The following PCGF3 variants were observed in gnomAD, a reference collection of about 807,000 sequenced individuals.
The protein encoded by PCGF3 is polycomb group RING finger protein 3.
Under a neutral mutation model 33.1 loss-of-function variants are expected in PCGF3, and 7 were observed. The observed-to-expected ratio is 0.21, with a 90% CI of 0.12 to 0.40. PCGF3 has a LOEUF of 0.40. Ranked by LOEUF, PCGF3 falls within the 10% of genes least tolerant of loss-of-function variation. The probability of loss-of-function intolerance (pLI) is 1.00; values close to 1 mark genes in which losing one functional copy is unlikely to be tolerated. For synonymous variants in PCGF3, 153 were observed against 121.3 expected, an observed-to-expected ratio of 1.26 and a Z score of -1.72; for missense variants, 211 against 313.3, an observed-to-expected ratio of 0.67 and a Z score of 2.46.
intron 1 of PCGF3, among the ~76,000 whole-genome samples, chr4:719,388 C>A (rs898168062): frequency 7.9e-5 from 12 of 152,232 alleles, no homozygotes; most frequent in African/African-American, 2.4e-4. Context: ...TGTGTGTCCG[C>A]ACGAGGTTGA....
intron 1 of PCGF3, among the ~76,000 whole-genome samples, chr4:730,344 A>C (rs1330829578): frequency 1.3e-5 from 2 of 152,082 alleles, no homozygotes; most frequent in Non-Finnish European, 2.9e-5. Flanking sequence ...TCTTGGGCCC[A>C]AAACAGCATG....
At chr4:769,027 G>GTTATTATTGTGA (rs1483301723) in exon 11 of PCGF3, 4 of 152,648 alleles carry the variant, frequency 2.6e-5, no homozygotes, top group Admixed American at 2.6e-4. Context: ...GTTTTTCATT[G>GTTATTATTGTGA]TTATTATTGT....
chr4:761,369 C>T, exon 9 of PCGF3: 1 of 1,612,316 alleles, frequency 6.2e-7, no homozygotes, highest in Non-Finnish European at 8.5e-7. Flanking sequence ...CGTCTTGCAT[C>T]TGAAGAAGTT....
chr4:739,894 G>T (rs1386153699), intron 6 of PCGF3, among the ~76,000 whole-genome samples: 1 of 152,218 alleles, frequency 6.6e-6, no homozygotes, highest in African/African-American at 2.4e-5. Flanking sequence ...GGGCACGGTG[G>T]CCCCGAGCCG....
At chr4:743,574 C>G (rs1165614090) in exon 7 of PCGF3, 1 of 1,601,146 alleles carries the variant, frequency 6.2e-7, no homozygotes. Context: ...ACTTAGATTC[C>G]CATCGGAATG....
At chr4:722,852 A>T (rs113017606) in intron 1 of PCGF3, among the ~76,000 whole-genome samples, 75 of 23,616 alleles carry the variant, frequency 3.2e-3, no homozygotes, top group South Asian at 7.0e-3. Flanking sequence ...CACACTCGCG[A>T]CATCGCCATC....
chr4:744,662 A>G (rs747926473), exon 8 of PCGF3: 2 of 1,558,992 alleles, frequency 1.3e-6, no homozygotes, highest in Admixed American at 1.9e-5. Flanking sequence ...GGAGGAGGAC[A>G]ACGACTACCA....
At chr4:757,275 G>C (rs1225080050) in intron 8 of PCGF3, 1 of 151,516 alleles carries the variant, frequency 6.6e-6, no homozygotes, top group Non-Finnish European at 1.5e-5. Flanking sequence ...CCCATGCACT[G>C]CAGACCCCGC....
chr4:731,345 T>A, intron 3 of PCGF3: 1 of 400,428 alleles, frequency 2.5e-6, no homozygotes, highest in Non-Finnish European at 4.4e-6. Context: ...TCTCCTTCCG[T>A]CACTGGTTCA....
chr4:750,151 C>A (rs979167699), intron 8 of PCGF3, among the ~76,000 whole-genome samples: 7 of 152,240 alleles, frequency 4.6e-5, no homozygotes, highest in Non-Finnish European at 7.3e-5. Flanking sequence ...GTGCTCCTGG[C>A]TGCTCCCTGC....
chr4:742,947 C>T (rs551813311), intron 6 of PCGF3, among the ~76,000 whole-genome samples: 256 of 152,340 alleles, frequency 1.7e-3, no homozygotes, highest in Middle Eastern at 3.4e-3. Flanking sequence ...TCTTGGGGTT[C>T]CTCAGTGGTG....
At chr4:748,407 C>T (rs1744364598) in intron 8 of PCGF3, among the ~76,000 whole-genome samples, 1 of 152,146 alleles carries the variant, frequency 6.6e-6, no homozygotes. Flanking sequence ...ACCACGTTGG[C>T]CAGGCTGGTC....
At chr4:734,684 T>C in intron 4 of PCGF3, 1 of 1,312,648 alleles carries the variant, frequency 7.6e-7, no homozygotes, top group Non-Finnish European at 9.7e-7. Flanking sequence ...CTAAGTTTTT[T>C]TCCCACTTAA....
chr4:760,261 C>A (rs75163175), intron 8 of PCGF3, among the ~76,000 whole-genome samples: 1 of 152,176 alleles, frequency 6.6e-6, no homozygotes, highest in South Asian at 2.1e-4. Flanking sequence ...CACTTCCTTT[C>A]CTTTCTGTTC....
rs759810450 is a variant in PCGF3, at chr4:766,009, C to CTGTGCGTTCT, written c.682-18_682-9dup. The CTGTGCGTTCT allele has an allele frequency of 8.7e-6, 14 of 1,612,782 alleles. No individual in the cohort carries two copies. In the East Asian group the frequency reaches 2.5e-4, roughly 28 times the overall value. ...CGCCTCCACCCCTGCTAAGCAGGCA[C>CTGTGCGTTCT]TGTGCGTTCTTGTGTCTTCCAGAAG... On this transcript the variant is annotated intron_variant, in intron 10 of 10. Transcript: ENST00000362003.
chr4:752,542 G>A (rs1410997736), intron 8 of PCGF3, among the ~76,000 whole-genome samples: 2 of 152,190 alleles, frequency 1.3e-5, no homozygotes, highest in African/African-American at 2.4e-5. Flanking sequence ...TGAGGCCTCC[G>A]GGGACCGGGC....
At position 730,774 on chromosome 4, in the gene PCGF3, C is replaced by G. The variant is rs544840932; in HGVS notation, c.-151+106C>G. The stretch of plus-strand genomic sequence containing the variant: ...GTGGTCGGCGTTCCTTGCAGTGCCT[C>G]TGAAACGCAGGCTCTGAGGACAGGC... On this transcript the variant is annotated intron_variant, in intron 2 of 10. Coordinates refer to ENST00000362003, the Ensembl canonical transcript of PCGF3. 20 of 370,514 alleles carry G rather than the reference C, an allele frequency of 5.4e-5. No individual in the cohort carries two copies. In the South Asian group the frequency reaches 1.0e-3, roughly 19 times the overall value. 23.0% of individuals were successfully genotyped at this position (370,514 alleles called of 1,614,324 possible). A position where few individuals can be genotyped will look rare whatever the true frequency, so the allele number is the denominator to read the frequency against.
At chr4:763,639 G>A (rs1745193252) in intron 9 of PCGF3, among the ~76,000 whole-genome samples, 1 of 152,202 alleles carries the variant, frequency 6.6e-6, no homozygotes, top group Admixed American at 6.5e-5. Context: ...CAGGCCCTGT[G>A]GAGAACAGCT....
At chr4:732,789 G>A (rs1347380936) in intron 3 of PCGF3, among the ~76,000 whole-genome samples, 1 of 152,230 alleles carries the variant, frequency 6.6e-6, no homozygotes, top group Non-Finnish European at 1.5e-5. Context: ...AAGGTGTGGG[G>A]AGCGAAGTCC....
Sources: gnomAD v4.1 joint callset for allele counts (sites outside exome capture counted in the v4.1 genomes callset) on GRCh38, gnomAD v4.1.1 for gene constraint, MANE v1.5 for transcripts, NCBI Gene and HGNC (gene_info 2026-07-23, HGNC 2026-07-21) for gene names.